Variants in PSMA1 observed in about 807,000 individuals in gnomAD.
PSMA1 encodes proteasome subunit alpha type-1.
PSMA1 carries 3 observed loss-of-function variants against 38.4 expected under a neutral mutation model. That is an observed-to-expected ratio of 0.08 (90% confidence interval 0.04 to 0.20). The LOEUF (loss-of-function observed/expected upper bound fraction) is 0.20. Ranked by LOEUF, PSMA1 falls within the 10% of genes least tolerant of loss-of-function variation. The probability of loss-of-function intolerance (pLI) is 1.00; values close to 1 mark genes in which losing one functional copy is unlikely to be tolerated. For missense variants in PSMA1, 227 were observed against 325.3 expected (o/e 0.70, Z 2.32); for synonymous variants, 101 against 107.1 (o/e 0.94, Z 0.35).
intron 2 of PSMA1, among the ~76,000 whole-genome samples, chr11:14,598,574 C>CTTT (rs3053229): frequency 0.13 from 18,968 of 144,102 alleles, 1,655 homozygotes; most frequent in African/African-American, 0.26. Context: ...GCAACCCCTG[C>CTTT]TTTTTTTTTT....
Position 14,600,427 on chromosome 11 carries a change from T to C in PSMA1, c.21+10539A>G, listed in dbSNP as rs1275632075. Among the ~76,000 whole-genome samples, 3 of 152,190 alleles carry C rather than the reference T, an allele frequency of 2.0e-5. No homozygotes were observed. In the South Asian group the frequency reaches 6.2e-4, roughly 32 times the overall value. On this transcript the variant is annotated intron_variant, in intron 2 of 10. Coordinates refer to the PSMA1 transcript ENST00000418988. ...CAGTTCGAGTTTCCCACCGCTTTTTTACCTACTCAAGCCTCAGCAATGGTG... is the reference window on the plus strand; with the variant it reads ...CAGTTCGAGTTTCCCACCGCTTTTTCACCTACTCAAGCCTCAGCAATGGTG...
At chr11:14,599,124 C>T (rs1287850331) in intron 2 of PSMA1, among the ~76,000 whole-genome samples, 2 of 152,158 alleles carry the variant, frequency 1.3e-5, no homozygotes, top group Non-Finnish European at 2.9e-5. Context: ...GTCTGATGGG[C>T]TTCCCTTTGT....
rs149290502 is a variant in PSMA1 at position 14,510,938 on chromosome 11, T to C, written c.558A>G (p.Glu186=). The C allele has an allele frequency of 1.6e-5, 26 of 1,592,820 alleles. No individual in the cohort carries two copies. In the African/African-American group the frequency reaches 2.4e-4, roughly 15 times the overall value. ...MSEFMECNLN[E]LVKHGLRALR... ...AGGCACGCAGACCATGTTTAACTAG[T>C]TCATTTAAATTACCTATATGTAATA... Residue 186 remains glutamate (E), a synonymous_variant, in exon 8 of 10, where the codon GAA becomes GAG. Transcript: ENST00000396394.
At chr11:14,528,950 C>T (rs2134158166) in intron 2 of PSMA1, among the ~76,000 whole-genome samples, 1 of 152,182 alleles carries the variant, frequency 6.6e-6, no homozygotes, top group South Asian at 2.1e-4. Flanking sequence ...TAATCCACCA[C>T]CCGTTGCTGA....
chr11:14,557,477 C>T (rs569127357), intron 2 of PSMA1, among the ~76,000 whole-genome samples: 213 of 152,246 alleles, frequency 1.4e-3, no homozygotes, highest in African/African-American at 4.7e-3. Flanking sequence ...CTCTTGACTT[C>T]GTGATCCGCC....
chr11:14,616,473 C>A (rs561931479), intron 1 of PSMA1, among the ~76,000 whole-genome samples: 1 of 152,092 alleles, frequency 6.6e-6, no homozygotes, highest in Non-Finnish European at 1.5e-5. Flanking sequence ...CCCAAATGAT[C>A]TGCCTGCCTC....
At chr11:14,591,117 T>C (rs1161957649) in intron 2 of PSMA1, among the ~76,000 whole-genome samples, 2 of 151,998 alleles carry the variant, frequency 1.3e-5, no homozygotes, top group African/African-American at 4.8e-5. Context: ...CCAGCTGGAG[T>C]TCCAGGTGGG....
At position 14,520,012 on chromosome 11, in the gene PSMA1, T is replaced by C. The variant is rs1027130004; in HGVS notation, c.3+285A>G. 7.1e-6 allele frequency: 4 copies of C among 561,086 alleles called. No homozygotes were observed. In the Admixed American group the frequency reaches 1.2e-4, roughly 17 times the overall value. 34.8% of individuals were successfully genotyped at this position (561,086 alleles called of 1,614,324 possible). On this transcript the variant is annotated intron_variant, in intron 1 of 9. Coordinates refer to ENST00000396394, the MANE Select transcript of PSMA1 (RefSeq NM_002786.4). ...GAGCTATTCTGGACCGCTCAGAATC[T>C]ACTCCACTGAAGGAACCTGAGGGGC...
At position 14,505,071 on chromosome 11, in the gene PSMA1, T is replaced by G. The variant is rs2100034266; in HGVS notation, c.*121A>C. On this transcript the variant is annotated 3_prime_UTR_variant, in exon 10 of 10. Coordinates refer to ENST00000396394, the MANE Select transcript of PSMA1 (RefSeq NM_002786.4). ...GGAAAAAACTCACATCTGGACTGAT[T>G]CCTAAAACATAGCATTCCACCACTC... The G allele has an allele frequency of 1.1e-6, 1 of 898,920 alleles. No individual in the cohort carries two copies. The highest frequency in any genetic ancestry group is 1.6e-5 in the African/African-American group (1 of 60,926). 55.7% of individuals were successfully genotyped at this position (898,920 alleles called of 1,614,324 possible).
At chr11:14,577,602 T>A (rs990024109) in intron 2 of PSMA1, among the ~76,000 whole-genome samples, 2 of 152,214 alleles carry the variant, frequency 1.3e-5, no homozygotes, top group Non-Finnish European at 2.9e-5. Context: ...TAATAGCATT[T>A]ATATAGCCTA....
chr11:14,558,054 T>C (rs1384430465), intron 2 of PSMA1, among the ~76,000 whole-genome samples: 2 of 152,042 alleles, frequency 1.3e-5, no homozygotes, highest in Non-Finnish European at 2.9e-5. Context: ...ATGGTGCCGA[T>C]AGTCAAATAC....
chr11:14,519,931 A>C, intron 1 of PSMA1: 1 of 258,432 alleles, frequency 3.9e-6, no homozygotes, highest in Non-Finnish European at 7.4e-6. Context: ...CACTGGTGGT[A>C]CAGGTAGGCC....
At chr11:14,592,831 G>A (rs1331186512) in intron 2 of PSMA1, among the ~76,000 whole-genome samples, 2 of 152,074 alleles carry the variant, frequency 1.3e-5, no homozygotes, top group African/African-American at 4.8e-5. Context: ...CATATCTCAG[G>A]TCTCAGATAA....
intron 4 of PSMA1, among the ~76,000 whole-genome samples, chr11:14,515,143 G>A (rs1390462140): frequency 2.0e-5 from 3 of 152,304 alleles, no homozygotes; most frequent in South Asian, 4.1e-4. Context: ...CAGTATATGC[G>A]TATGTCACAT....
rs563296798 is a variant in PSMA1 at position 14,597,173 on chromosome 11, T to G, written c.21+13793A>C. Among the ~76,000 whole-genome samples, 57 of 152,302 alleles carry G rather than the reference T, an allele frequency of 3.7e-4. No individual in the cohort carries two copies. In the Middle Eastern group the frequency reaches 0.01, roughly 27 times the overall value. ...AGTATTTTATTGAAGATTTTTGCAT[T>G]GATGTTCATCAGGGATATTGGTCTA... On this transcript the variant is annotated intron_variant, in intron 2 of 10. Coordinates refer to the PSMA1 transcript ENST00000418988.
chr11:14,582,683 A>AT (rs1852296572), intron 2 of PSMA1, among the ~76,000 whole-genome samples: 1 of 121,780 alleles, frequency 8.2e-6, no homozygotes, highest in Non-Finnish European at 1.7e-5. Flanking sequence ...AGGCCCAGCT[A>AT]ATTTTTTTTT....
At chr11:14,539,316 A>AATT (rs1206632676) in intron 2 of PSMA1, among the ~76,000 whole-genome samples, 3 of 151,990 alleles carry the variant, frequency 2.0e-5, no homozygotes, top group African/African-American at 7.3e-5. Flanking sequence ...TGTTATTTTT[A>AATT]ATTATTATTA....
At chr11:14,506,181 G>A (rs1190251341) in intron 9 of PSMA1, among the ~76,000 whole-genome samples, 1 of 152,028 alleles carries the variant, frequency 6.6e-6, no homozygotes, top group African/African-American at 2.4e-5. Flanking sequence ...CACTGTTCGA[G>A]GATAACTGTA....
At chr11:14,584,514 T>TG (rs1491121332) in intron 2 of PSMA1, among the ~76,000 whole-genome samples, 21 of 149,398 alleles carry the variant, frequency 1.4e-4, no homozygotes, top group Admixed American at 1.2e-3. Flanking sequence ...TTTGTTTTTT[T>TG]TTTTTTTTTT....
Sources: allele counts gnomAD v4.1 joint callset (sites outside exome capture counted in the v4.1 genomes callset), GRCh38; gene constraint gnomAD v4.1.1; transcripts MANE v1.5; gene names NCBI Gene and HGNC (gene_info 2026-07-23, HGNC 2026-07-21).